BMPR1B: variants seen among roughly 807,000 people sequenced by gnomAD.
BMPR1B encodes the protein bone morphogenetic protein receptor type-1B.
In BMPR1B, 12 loss-of-function variants were observed where a neutral mutation model predicts 59.1. The observed-to-expected ratio is 0.20, with a 90% CI of 0.13 to 0.33. BMPR1B has a LOEUF of 0.33. Among genes scored for constraint, BMPR1B ranks in the 10% least tolerant of loss-of-function variants. The pLI is 1.00. For missense variants in BMPR1B, 550 were observed against 610.9 expected, an observed-to-expected ratio of 0.90 and a Z score of 1.05; for synonymous variants, 237 against 207.3, an observed-to-expected ratio of 1.14 and a Z score of -1.23.
intron 6 of BMPR1B, among the ~76,000 whole-genome samples, chr4:95,119,206 A>G (rs1732293201): frequency 6.6e-6 from 1 of 152,140 alleles, no homozygotes; most frequent in South Asian, 2.1e-4. Context: ...AAAATCTAAA[A>G]TTTTTGCAAA....
Position 95,152,805 on chromosome 4 carries a change from A to T in BMPR1B, c.1383+32A>T, listed in dbSNP as rs1365691. 857,804 of 1,606,404 alleles carry T rather than the reference A, an allele frequency of 0.53. 233,167 individuals carry two copies. The highest frequency in any genetic ancestry group is 0.64 in the Admixed American group (38,236 of 59,326). On this transcript the variant is annotated intron_variant, in intron 12 of 12. Coordinates refer to ENST00000515059, the MANE Select transcript of BMPR1B (RefSeq NM_001203.3). ...CTTGAGGTAACCATGTGGCTGTGAC[A>T]GACTTCTAAATAGACTTTTCTTTTT...
chr4:94,920,011 C>A (rs1728630321), intron 2 of BMPR1B, among the ~76,000 whole-genome samples: 1 of 151,922 alleles, frequency 6.6e-6, no homozygotes, highest in Admixed American at 6.6e-5. Flanking sequence ...GATTATGGTG[C>A]CTCTAGTGTT....
chr4:95,037,507 A>G (rs1725347155), intron 3 of BMPR1B, among the ~76,000 whole-genome samples: 1 of 152,158 alleles, frequency 6.6e-6, no homozygotes, highest in Non-Finnish European at 1.5e-5. Flanking sequence ...ATGAAAACCA[A>G]AGGATGAGCT....
At chr4:95,146,951 A>G (rs373692207) in intron 10 of BMPR1B, among the ~76,000 whole-genome samples, 2 of 152,298 alleles carry the variant, frequency 1.3e-5, no homozygotes, top group South Asian at 2.1e-4. Flanking sequence ...ACAATTTTCT[A>G]TTATACCAAT....
chr4:94,771,638 C>T (rs1722189324), intron 1 of BMPR1B, among the ~76,000 whole-genome samples: 2 of 152,128 alleles, frequency 1.3e-5, no homozygotes, highest in South Asian at 4.1e-4. Context: ...GATGTAATCT[C>T]CCTTATTCTA....
At chr4:94,954,847 T>G (rs1271140030) in intron 2 of BMPR1B, among the ~76,000 whole-genome samples, 1 of 152,156 alleles carries the variant, frequency 6.6e-6, no homozygotes, top group African/African-American at 2.4e-5. Flanking sequence ...ATTAGCTGTT[T>G]TGCTTATTGT....
chr4:94,973,267 A>G (rs573225393), intron 2 of BMPR1B, among the ~76,000 whole-genome samples: 55 of 152,288 alleles, frequency 3.6e-4, no homozygotes, highest in African/African-American at 1.3e-3. Flanking sequence ...AGCGAGGGCA[A>G]AGGGCCAGTG....
intron 12 of BMPR1B, among the ~76,000 whole-genome samples, chr4:95,153,364 C>T (rs1433807004): frequency 6.6e-6 from 1 of 152,152 alleles, no homozygotes; most frequent in Non-Finnish European, 1.5e-5. Context: ...GACTCCTCCT[C>T]CTGTTCCACA....
intron 1 of BMPR1B, among the ~76,000 whole-genome samples, chr4:94,772,292 T>C (rs890967363): frequency 6.6e-6 from 1 of 152,170 alleles, no homozygotes; most frequent in Non-Finnish European, 1.5e-5. Context: ...AGCATGTTGT[T>C]GTTAATTTTT....
At chr4:94,815,157 G>A (rs6842297) in intron 1 of BMPR1B, among the ~76,000 whole-genome samples, 19,035 of 152,016 alleles carry the variant, frequency 0.13, 1,948 homozygotes, top group African/African-American at 0.28. Context: ...CACCCGCCTC[G>A]GCCTCCCAGT....
intron 1 of BMPR1B, among the ~76,000 whole-genome samples, chr4:94,860,821 T>G (rs1200471249): frequency 1.5e-5 from 2 of 133,088 alleles, no homozygotes; most frequent in African/African-American, 7.7e-5. Flanking sequence ...TTTATATGTC[T>G]TTTATATGTT....
rs542102574 is a variant in BMPR1B, at chr4:94,910,689, C to G, written c.-113+34789C>G. Among the ~76,000 whole-genome samples the G allele has an allele frequency of 1.2e-4, 19 of 152,142 alleles. No homozygotes were observed. The South Asian group carries it at 3.7e-3, about 30-fold the overall frequency. ...TTGAGAGGCCCAGGCAGGAGAATCA[C>G]TTGAGGCCAGAAGTTTGAGACCAGC... On this transcript the variant is annotated intron_variant, in intron 2 of 12. Coordinates refer to ENST00000515059, the MANE Select transcript of BMPR1B (RefSeq NM_001203.3).
In BMPR1B at chr4:95,157,732, C is replaced by T. The variant is rs181152855; in HGVS notation, c.*3059C>T. ...ATGGATGATAAAGTACTAAATGAAA[C>T]ATAATATTTATTTATAAAAGTGTGT... On this transcript the variant is annotated 3_prime_UTR_variant, in exon 13 of 13. Coordinates refer to ENST00000515059, the MANE Select transcript of BMPR1B (RefSeq NM_001203.3). 6.6e-6 allele frequency: 1 copy of T among 151,942 alleles called. No individual in the cohort carries two copies. Among genetic ancestry groups the T allele is most frequent in the Admixed American group, 6.6e-5 (1 of 15,256 alleles). 9.4% of individuals were successfully genotyped at this position (151,942 alleles called of 1,614,324 possible). A position where few individuals can be genotyped will look rare whatever the true frequency, so the allele number is the denominator to read the frequency against.
At chr4:94,777,120 TA>T in intron 1 of BMPR1B, among the ~76,000 whole-genome samples, 1 of 152,274 alleles carries the variant, frequency 6.6e-6, no homozygotes, top group Non-Finnish European at 1.5e-5. Flanking sequence ...ATAGGTCCTT[TA>T]ATATTTATAT....
intron 1 of BMPR1B, among the ~76,000 whole-genome samples, chr4:94,801,173 TAATAGTTCTTCTTCATGG>T (rs1415563409): frequency 6.6e-6 from 1 of 152,200 alleles, no homozygotes; most frequent in Admixed American, 6.5e-5. Flanking sequence ...CCTTTGCACA[TAATAGTTCTTCTTCATGG>T]AATTCTCCCC....
At chr4:95,123,966 A>G (rs976278878) in intron 7 of BMPR1B, 60 bp downstream of exon 7, 3 of 1,223,816 alleles carry the variant, frequency 2.5e-6, no homozygotes, top group Admixed American at 1.7e-5. Flanking sequence ...TTTTACTAAT[A>G]TTCTGCTTTT....
intron 2 of BMPR1B, among the ~76,000 whole-genome samples, chr4:94,928,270 C>T (rs1728965086): frequency 6.6e-6 from 1 of 151,412 alleles, no homozygotes; most frequent in Admixed American, 6.6e-5. Context: ...TCAAGAGATA[C>T]TCCTGCTTCC....
intron 2 of BMPR1B, among the ~76,000 whole-genome samples, chr4:94,899,423 G>GTA (rs1000835356): frequency 1.3e-5 from 2 of 149,440 alleles, no homozygotes; most frequent in African/African-American, 2.5e-5. Flanking sequence ...AATCATATAT[G>GTA]TATATATATA....
intron 1 of BMPR1B, among the ~76,000 whole-genome samples, chr4:94,792,625 A>G (rs1393913304): frequency 6.6e-6 from 1 of 152,114 alleles, no homozygotes; most frequent in Non-Finnish European, 1.5e-5. Flanking sequence ...AACTAATTGT[A>G]TTTATTGTCT....
Sources: allele counts gnomAD v4.1 joint callset (sites outside exome capture counted in the v4.1 genomes callset), GRCh38; gene constraint gnomAD v4.1.1; transcripts MANE v1.5; gene names NCBI Gene and HGNC (gene_info 2026-07-23, HGNC 2026-07-21).